The following TPRG1 variants were observed in gnomAD, a reference collection of about 807,000 sequenced individuals.
TPRG1 encodes tumor protein p63-regulated gene 1 protein.
TPRG1 carries 29 observed loss-of-function variants against 29.3 expected under a neutral mutation model. That is an observed-to-expected ratio of 0.99 (90% CI 0.74 to 1.35). TPRG1 has a LOEUF of 1.35. TPRG1 is among the 40% of genes most tolerant of loss of function. The probability of loss-of-function intolerance (pLI) is 0.00; values close to 1 mark genes in which losing one functional copy is unlikely to be tolerated. For synonymous variants in TPRG1, 130 were observed against 116.8 expected, an observed-to-expected ratio of 1.11 and a Z score of -0.73; for missense variants, 327 against 335.0, an observed-to-expected ratio of 0.98 and a Z score of 0.19.
At chr3:189,314,111 A>T (rs536863985) in intron 5 of TPRG1, among the ~76,000 whole-genome samples, 141 of 152,326 alleles carry the variant, frequency 9.3e-4, no homozygotes, top group South Asian at 2.1e-3. Flanking sequence ...AGGTTTCAGG[A>T]TTGGGTAGAT....
chr3:189,025,114 C>A (rs1713589016), intron 4 of TPRG1, among the ~76,000 whole-genome samples: 2 of 152,146 alleles, frequency 1.3e-5, no homozygotes, highest in Non-Finnish European at 2.9e-5. Flanking sequence ...CTTGGGGATC[C>A]TAAGGCTGGA....
intron 4 of TPRG1, among the ~76,000 whole-genome samples, chr3:189,150,035 C>T (rs775744239): frequency 9.9e-5 from 15 of 152,170 alleles, no homozygotes; most frequent in Non-Finnish European, 2.1e-4. Context: ...GTGCCAAATT[C>T]GATAAACAAT....
chr3:189,107,762 A>G (rs1471044699), intron 1 of TPRG1, among the ~76,000 whole-genome samples: 1 of 152,138 alleles, frequency 6.6e-6, no homozygotes, highest in East Asian at 1.9e-4. Context: ...TAAAAGCATT[A>G]TTTACCTTGT....
At chr3:189,068,879 G>T (rs1444687934) in intron 4 of TPRG1, among the ~76,000 whole-genome samples, 1 of 152,136 alleles carries the variant, frequency 6.6e-6, no homozygotes, top group Non-Finnish European at 1.5e-5. Context: ...AGAACATTAT[G>T]TTAAGTAAAA....
intron 3 of TPRG1, among the ~76,000 whole-genome samples, chr3:189,005,039 G>T (rs997527016): frequency 6.6e-6 from 1 of 152,008 alleles, no homozygotes; most frequent in Non-Finnish European, 1.5e-5. Context: ...ATATTTATGG[G>T]ATCTAAAAAT....
intron 1 of TPRG1, among the ~76,000 whole-genome samples, chr3:189,191,208 A>G (rs1048524775): frequency 2.0e-5 from 3 of 152,194 alleles, no homozygotes; most frequent in Non-Finnish European, 2.9e-5. Flanking sequence ...ATAAAGAGCT[A>G]TTTGTGACAG....
intron 4 of TPRG1, among the ~76,000 whole-genome samples, chr3:189,302,802 T>C (rs1721040747): frequency 6.6e-6 from 1 of 152,316 alleles, no homozygotes; most frequent in Middle Eastern, 3.4e-3. Context: ...ATAAATGGCC[T>C]GAGAAAGAGG....
intron 4 of TPRG1, among the ~76,000 whole-genome samples, chr3:189,289,706 T>C (rs1053892889): frequency 3.9e-5 from 6 of 152,222 alleles, no homozygotes; most frequent in Non-Finnish European, 8.8e-5. Flanking sequence ...GATTATTGTA[T>C]CACCCTTTCA....
rs141343232 is a variant in TPRG1, at chr3:189,238,852, G to T, written c.422G>T (p.Ser141Ile). 13,836 of 1,613,704 alleles carry T rather than the reference G, an allele frequency of 8.6e-3. 84 individuals carry two copies. The highest frequency in any genetic ancestry group is 0.011 in the Non-Finnish European group (12,892 of 1,179,710). The change falls in exon 4 of 6, where the codon AGC (serine) becomes ATC (isoleucine). Residue 141 changes from serine (S) to isoleucine (I), a missense_variant. By Grantham distance (142) the Ser-to-Ile change is moderately radical. Transcript: ENST00000345063. ...SCVQLQRIPLSAVYRICLGKF... is the reference protein window; with the variant it reads ...SCVQLQRIPLIAVYRICLGKF... The stretch of plus-strand genomic sequence containing the variant: ...GTGCAGCTGCAGCGGATTCCTCTGA[G>T]CGCTGTCTATCGCATCTGCCTGGGC...
upstream of TPRG1, among the ~76,000 whole-genome samples, chr3:189,167,546 C>T (rs1728309149): frequency 6.6e-6 from 1 of 152,078 alleles, no homozygotes; most frequent in Non-Finnish European, 1.5e-5. Context: ...AGTGAAAATC[C>T]AGCCTCCTTG....
intron 4 of TPRG1, among the ~76,000 whole-genome samples, chr3:189,299,432 C>T (rs1036326330): frequency 1.1e-4 from 16 of 152,062 alleles, no homozygotes; most frequent in South Asian, 2.1e-4. Flanking sequence ...GGGCATTTCT[C>T]GAAATATCTG....
At chr3:189,042,576 T>C (rs555358096) in intron 4 of TPRG1, among the ~76,000 whole-genome samples, 9 of 151,870 alleles carry the variant, frequency 5.9e-5, no homozygotes, top group African/African-American at 2.4e-5. Flanking sequence ...CCTGGAGAGG[T>C]TGTGTGGATC....
intron 1 of TPRG1, among the ~76,000 whole-genome samples, chr3:189,185,529 C>G (rs1363188772): frequency 2.0e-5 from 3 of 152,118 alleles, no homozygotes; most frequent in Non-Finnish European, 4.4e-5. Flanking sequence ...CCCAGCCTGG[C>G]TCAGTTATTT....
At chr3:189,145,882 CTG>C (rs1293643781) in intron 3 of TPRG1, among the ~76,000 whole-genome samples, 2 of 152,138 alleles carry the variant, frequency 1.3e-5, no homozygotes, top group Non-Finnish European at 2.9e-5. Context: ...ACTTAATTAT[CTG>C]TGTGTGCTTG....
At chr3:189,203,304 A>G (rs967210515) in intron 1 of TPRG1, among the ~76,000 whole-genome samples, 2 of 152,144 alleles carry the variant, frequency 1.3e-5, no homozygotes, top group Non-Finnish European at 2.9e-5. Context: ...AATCAAAGGC[A>G]AGGTAGTACT....
At chr3:189,280,389 A>C (rs1319302957) in intron 4 of TPRG1, among the ~76,000 whole-genome samples, 4 of 152,308 alleles carry the variant, frequency 2.6e-5, no homozygotes, top group African/African-American at 7.2e-5. Flanking sequence ...GTATAGGATA[A>C]AATGTTTTTT....
chr3:189,226,038 A>T (rs897434690), intron 3 of TPRG1, among the ~76,000 whole-genome samples: 2 of 152,228 alleles, frequency 1.3e-5, no homozygotes, highest in Non-Finnish European at 2.9e-5. Context: ...TGAGAAATAG[A>T]CAAATCCATA....
At chr3:189,101,276 T>C (rs1235890751) in intron 1 of TPRG1, among the ~76,000 whole-genome samples, 1 of 152,184 alleles carries the variant, frequency 6.6e-6, no homozygotes, top group Non-Finnish European at 1.5e-5. Context: ...CCCCTACTTG[T>C]TGGAAGTCCT....
intron 3 of TPRG1, among the ~76,000 whole-genome samples, chr3:189,022,887 G>A (rs1713426140): frequency 6.6e-6 from 1 of 152,244 alleles, no homozygotes; most frequent in African/African-American, 2.4e-5. Flanking sequence ...GAGACTCCGT[G>A]GGGTAGGACC....
Sources: gnomAD v4.1 joint callset for allele counts (sites outside exome capture counted in the v4.1 genomes callset) on GRCh38, gnomAD v4.1.1 for gene constraint, MANE v1.5 for transcripts, NCBI Gene and HGNC (gene_info 2026-07-23, HGNC 2026-07-21) for gene names.